DNAH6: variants seen among roughly 807,000 people sequenced by gnomAD.
DNAH6 encodes axonemal beta dynein heavy chain 6.
In DNAH6, 340 loss-of-function variants were observed where a neutral mutation model predicts 491.4. The ratio of observed to expected loss-of-function variants is 0.69; its 90% CI spans 0.63 to 0.76. The LOEUF (loss-of-function observed/expected upper bound fraction) is 0.76. DNAH6 is among the 30% of genes least tolerant of loss of function. The pLI, the probability that DNAH6 is intolerant of heterozygous loss-of-function variation, is 0.00. For synonymous variants in DNAH6, 1,603 were observed against 1,686.1 expected (o/e 0.95, Z 1.21); for missense variants, 4,443 against 4,972.2 (o/e 0.89, Z 3.20).
At chr2:84,813,369 G>A (rs1340399892) in intron 74 of DNAH6, among the ~76,000 whole-genome samples, 1 of 152,184 alleles carries the variant, frequency 6.6e-6, no homozygotes, top group Non-Finnish European at 1.5e-5. Context: ...ATAAGTGCAG[G>A]CACTGCTGCC....
At chr2:84,806,660 A>T (rs1411602960) in intron 71 of DNAH6, among the ~76,000 whole-genome samples, 1 of 149,416 alleles carries the variant, frequency 6.7e-6, no homozygotes, top group Non-Finnish European at 1.5e-5. Context: ...CTGAATGATC[A>T]CAAGAGATCT....
At chr2:84,757,131 C>T (rs1262554356) in intron 63 of DNAH6, among the ~76,000 whole-genome samples, 2 of 152,062 alleles carry the variant, frequency 1.3e-5, no homozygotes, top group African/African-American at 4.8e-5. Flanking sequence ...CAAATTCTTG[C>T]CATTACTGCC....
At chr2:84,678,271 GC>G (rs1422741821) in intron 41 of DNAH6, among the ~76,000 whole-genome samples, 1 of 152,180 alleles carries the variant, frequency 6.6e-6, no homozygotes, top group East Asian at 1.9e-4. Context: ...AAAGATGGGA[GC>G]TTCACTCCTA....
At chr2:84,761,903 A>G (rs1382689492) in intron 63 of DNAH6, among the ~76,000 whole-genome samples, 1 of 152,150 alleles carries the variant, frequency 6.6e-6, no homozygotes. Context: ...GTTATGCAGG[A>G]TGTCCACTGA....
chr2:84,681,585 C>G, intron 42 of DNAH6, 57 bp downstream of exon 42: 7 of 1,401,178 alleles, frequency 5.0e-6, no homozygotes, highest in Non-Finnish European at 6.6e-6. Flanking sequence ...TCCATTGGCC[C>G]CCAAATATCT....
intron 3 of DNAH6, 127 bp from the exon 4 acceptor site, chr2:84,528,777 T>G (rs1026997193): frequency 3.3e-6 from 3 of 909,222 alleles, no homozygotes; most frequent in Non-Finnish European, 4.8e-6. Flanking sequence ...AGTGCCAAAA[T>G]GCTTGCCTTT....
chr2:84,592,257 A>G (rs1462959153), intron 16 of DNAH6, among the ~76,000 whole-genome samples: 2 of 152,190 alleles, frequency 1.3e-5, no homozygotes, highest in Non-Finnish European at 2.9e-5. Context: ...AGCCAAAAAA[A>G]AAACCCAAAT....
chr2:84,561,674 T>A (rs1387870290), intron 11 of DNAH6, among the ~76,000 whole-genome samples: 6 of 151,882 alleles, frequency 4.0e-5, no homozygotes, highest in African/African-American at 1.5e-4. Flanking sequence ...GAATCTACAA[T>A]GAACTCAAAC....
intron 2 of DNAH6, among the ~76,000 whole-genome samples, chr2:84,523,283 G>A (rs1676313252): frequency 6.6e-6 from 1 of 151,960 alleles, no homozygotes; most frequent in Admixed American, 6.6e-5. Flanking sequence ...GTATTTCTGT[G>A]GGGTAAGCAA....
intron 18 of DNAH6, among the ~76,000 whole-genome samples, chr2:84,597,126 T>C (rs1204913050): frequency 6.6e-6 from 1 of 152,242 alleles, no homozygotes; most frequent in East Asian, 1.9e-4. Context: ...TGATCTGTTT[T>C]CTGTCTCTAT....
At chr2:84,731,132 C>G (rs1699082461) in intron 61 of DNAH6, among the ~76,000 whole-genome samples, 1 of 152,164 alleles carries the variant, frequency 6.6e-6, no homozygotes, top group Non-Finnish European at 1.5e-5. Context: ...ATCTTGTGGT[C>G]TTTGAACCTA....
At chr2:84,768,227 A>G (rs1675275815) in intron 64 of DNAH6, among the ~76,000 whole-genome samples, 1 of 152,028 alleles carries the variant, frequency 6.6e-6, no homozygotes. Context: ...ACTAGAATTT[A>G]AAAAATAAAA....
chr2:84,692,726 C>A lies in DNAH6; in HGVS notation c.7293-1523C>A, dbSNP rs182575275. Among the ~76,000 whole-genome samples the A allele has an allele frequency of 5.3e-5, 8 of 152,170 alleles. No individual in the cohort carries two copies. The East Asian group carries it at 1.5e-3, about 29-fold the overall frequency. On this transcript the variant is annotated intron_variant, in intron 45 of 76. Transcript: ENST00000389394. The stretch of plus-strand genomic sequence containing the variant: ...TTATACTAATATCCCTTCCCCCTTC[C>A]CAGGTTTTTAAATTTCATTCATACT...
chr2:84,800,297 A>G (rs1678768778), intron 70 of DNAH6, among the ~76,000 whole-genome samples: 1 of 152,236 alleles, frequency 6.6e-6, no homozygotes, highest in Non-Finnish European at 1.5e-5. Flanking sequence ...AAGAGGCATC[A>G]ATTCCTTCAG....
At chr2:84,653,011 A>G (rs1318583321) in intron 33 of DNAH6, among the ~76,000 whole-genome samples, 2 of 152,034 alleles carry the variant, frequency 1.3e-5, no homozygotes, top group African/African-American at 4.8e-5. Flanking sequence ...CACCTTCTAT[A>G]TGTTTGGTAC....
At chr2:84,733,163 T>C (rs1054778972) in intron 61 of DNAH6, among the ~76,000 whole-genome samples, 4 of 152,190 alleles carry the variant, frequency 2.6e-5, no homozygotes, top group African/African-American at 9.7e-5. Context: ...GAAAGATCGA[T>C]GTTGGGTGTT....
intron 37 of DNAH6, among the ~76,000 whole-genome samples, chr2:84,659,888 A>G (rs1691329803): frequency 6.6e-6 from 1 of 152,176 alleles, no homozygotes; most frequent in East Asian, 1.9e-4. Flanking sequence ...AGGCTGAGGC[A>G]AGAGGATTTC....
rs1027462268 is a variant in DNAH6 at position 84,705,610 on chromosome 2, C to A, written c.8590C>A (p.Pro2864Thr). The change falls in exon 52 of 77, where the codon CCT becomes ACT. Residue 2864 changes from proline (P) to threonine (T), a missense_variant. By Grantham distance (38) the Pro-to-Thr change is conservative (BLOSUM62 -1). Around this residue, in one of 3 missense-constraint regions of DNAH6, gnomAD observed 1,463 missense variants for 1,656.6 expected, o/e 0.88. Transcript: ENST00000389394. Reference protein sequence around the residue: ...LAKLQKYINNPDFVPEKVEKV... With the variant: ...LAKLQKYINNTDFVPEKVEKV... ...AAAGCTTCAAAAGTATATTAATAAT[C>A]CTGATTTTGTGCCTGAAAAAGTGGA... The A allele has an allele frequency of 2.6e-6, 4 of 1,551,524 alleles. No individual in the cohort carries two copies. In the South Asian group the frequency reaches 4.8e-5, roughly 18 times the overall value.
Position 84,604,431 on chromosome 2 carries a change from T to C in DNAH6, c.2961T>C (p.Ala987=), listed in dbSNP as rs921119314. 6.4e-7 allele frequency: 1 copy of C among 1,552,042 alleles called. No individual in the cohort carries two copies. The highest frequency in any genetic ancestry group is 1.4e-5 in the African/African-American group (1 of 73,198). ...EQTVDATLVD[A]EIPLTLERLS... is the part of the protein sequence containing the mutation. ...CAGTTGATGCCACTCTAGTGGATGC[T>C]GAAATTCCATTAACCTTGGAGAGGC... Residue 987 remains alanine, a synonymous_variant, in exon 19 of 77, where the codon GCT becomes GCC. Transcript: ENST00000389394.
Sources: allele counts gnomAD v4.1 joint callset (sites outside exome capture counted in the v4.1 genomes callset), GRCh38; gene constraint gnomAD v4.1.1; regional missense constraint gnomAD v4.1.1; transcripts MANE v1.5; gene names NCBI Gene and HGNC (gene_info 2026-07-23, HGNC 2026-07-21).